ST6GALNAC3: variants seen among roughly 807,000 people sequenced by gnomAD.
ST6GALNAC3 encodes ST6 N-acetylgalactosaminide alpha-2,6-sialyltransferase 3.
A neutral mutation model predicts 32.7 loss-of-function variants in ST6GALNAC3; 25 were observed. The observed-to-expected ratio is 0.76, with a 90% confidence interval of 0.56 to 1.07. The LOEUF (loss-of-function observed/expected upper bound fraction) is 1.07. Among genes scored for constraint, ST6GALNAC3 ranks in the 50% least tolerant of loss-of-function variants. The probability of loss-of-function intolerance (pLI) is 0.00; values close to 1 mark genes in which losing one functional copy is unlikely to be tolerated. For synonymous variants in ST6GALNAC3, 129 were observed against 133.1 expected (o/e 0.97, Z 0.21); for missense variants, 355 against 382.4 (o/e 0.93, Z 0.60).
Position 76,412,405 on chromosome 1 carries a change from C to T in ST6GALNAC3, c.611C>T (p.Thr204Ile), listed in dbSNP as rs761187933. The T allele has an allele frequency of 1.2e-6, 2 of 1,601,828 alleles. No individual in the cohort carries two copies. The highest frequency in any genetic ancestry group is 1.7e-6 in the Non-Finnish European group (2 of 1,172,888). ...TGTGATGGAGTTTTTAAGAAGGAAA[C>T]TGGGAAGGACAGGTGAGCCCTCTCT... The part of the protein sequence containing the change: ...SYCDGVFKKE[T>I]GKDRVQSGSY... The change falls in exon 3 of 5, where the codon ACT (threonine) becomes ATT (isoleucine). Residue 204 changes from threonine to isoleucine, a missense_variant. Thr to Ile is a moderately conservative substitution (Grantham distance 89, BLOSUM62 -1). Transcript: ENST00000328299.
At chr1:76,155,290 C>G (rs1651326661) in intron 1 of ST6GALNAC3, among the ~76,000 whole-genome samples, 2 of 152,150 alleles carry the variant, frequency 1.3e-5, no homozygotes, top group African/African-American at 4.8e-5. Flanking sequence ...CTCCATGCGC[C>G]TACACTGGAG....
At chr1:76,309,705 G>A (rs532311408) in intron 1 of ST6GALNAC3, among the ~76,000 whole-genome samples, 9 of 152,034 alleles carry the variant, frequency 5.9e-5, no homozygotes, top group Non-Finnish European at 7.4e-5. Flanking sequence ...AATCAAACCC[G>A]GGCAATGTAA....
At chr1:76,210,727 A>T (rs1344802820) in intron 1 of ST6GALNAC3, among the ~76,000 whole-genome samples, 3 of 152,080 alleles carry the variant, frequency 2.0e-5, no homozygotes, top group Non-Finnish European at 4.4e-5. Context: ...TTCTCTGTGC[A>T]TATATTCCTA....
chr1:76,133,723 G>A (rs746277258), intron 1 of ST6GALNAC3, among the ~76,000 whole-genome samples: 23 of 152,202 alleles, frequency 1.5e-4, no homozygotes, highest in Non-Finnish European at 2.4e-4. Flanking sequence ...CTCAGGGGAG[G>A]ATTCCATTCA....
At chr1:76,132,265 A>T (rs1330152839) in intron 1 of ST6GALNAC3, among the ~76,000 whole-genome samples, 1 of 152,168 alleles carries the variant, frequency 6.6e-6, no homozygotes, top group Non-Finnish European at 1.5e-5. Context: ...ATCTGAGTCT[A>T]GCTCATAATT....
intron 1 of ST6GALNAC3, among the ~76,000 whole-genome samples, chr1:76,193,986 C>G (rs1654053929): frequency 6.6e-6 from 1 of 152,150 alleles, no homozygotes; most frequent in Non-Finnish European, 1.5e-5. Context: ...CTAATATAGC[C>G]ACACTGGAGG....
intron 2 of ST6GALNAC3, among the ~76,000 whole-genome samples, chr1:76,330,915 T>G (rs1647176546): frequency 6.6e-6 from 1 of 152,278 alleles, no homozygotes; most frequent in Admixed American, 6.5e-5. Context: ...ATTTCAAATC[T>G]TCAGAGTGCA....
intron 1 of ST6GALNAC3, among the ~76,000 whole-genome samples, chr1:76,172,124 A>T (rs1262853923): frequency 6.6e-6 from 1 of 152,230 alleles, no homozygotes; most frequent in Non-Finnish European, 1.5e-5. Flanking sequence ...GCACATAAAA[A>T]AAAAACTTAT....
chr1:76,475,155 A>G (rs1659269951), intron 3 of ST6GALNAC3, among the ~76,000 whole-genome samples: 1 of 152,164 alleles, frequency 6.6e-6, no homozygotes, highest in African/African-American at 2.4e-5. Context: ...CAAGTTGTGC[A>G]ATATTTGCAA....
chr1:76,158,549 A>G (rs1300780983), intron 1 of ST6GALNAC3, among the ~76,000 whole-genome samples: 1 of 152,164 alleles, frequency 6.6e-6, no homozygotes, highest in Non-Finnish European at 1.5e-5. Flanking sequence ...AAAAGAATTC[A>G]TCCTTCTCTT....
intron 2 of ST6GALNAC3, among the ~76,000 whole-genome samples, chr1:76,411,277 C>T (rs139072497): frequency 9.2e-5 from 14 of 152,184 alleles, no homozygotes; most frequent in East Asian, 5.8e-4. Flanking sequence ...TTAACTTCCA[C>T]GAGTCTCTAT....
At position 76,416,627 on chromosome 1, in the gene ST6GALNAC3, G is replaced by GTTTT. The variant is rs758529243; in HGVS notation, c.623+4225_623+4228dup. On this transcript the variant is annotated intron_variant, in intron 3 of 4. Coordinates refer to ENST00000328299, the MANE Select transcript of ST6GALNAC3 (RefSeq NM_152996.4). ...CACTTTTCCAAGTATTGTGGGTTTT[G>GTTTT]TTTTTTTTTTTTTTTTTTGAGACAG... Among the ~76,000 whole-genome samples, 97 of 113,458 alleles carry GTTTT rather than the reference G, an allele frequency of 8.5e-4. 2 individuals are homozygous for GTTTT. Among genetic ancestry groups the GTTTT allele is most frequent in the African/African-American group, 2.2e-3 (66 of 29,824 alleles). The allele number at this position is 113,458 out of a possible 152,430, so 74.4% of individuals were successfully genotyped here.
intron 1 of ST6GALNAC3, among the ~76,000 whole-genome samples, chr1:76,211,816 A>G (rs1655184095): frequency 6.6e-6 from 1 of 152,174 alleles, no homozygotes; most frequent in African/African-American, 2.4e-5. Flanking sequence ...GGATAGCATT[A>G]GGAGATATAC....
chr1:76,400,881 G>A (rs1012899693), intron 2 of ST6GALNAC3, among the ~76,000 whole-genome samples: 14 of 144,838 alleles, frequency 9.7e-5, no homozygotes, highest in African/African-American at 3.5e-4. Context: ...GGTAACAAGA[G>A]TGAAACTCTG....
At chr1:76,615,511 A>G (rs1394005827) in intron 3 of ST6GALNAC3, among the ~76,000 whole-genome samples, 1 of 152,346 alleles carries the variant, frequency 6.6e-6, no homozygotes, top group East Asian at 1.9e-4. Context: ...TCAGAAACAT[A>G]GGCCTAAAGT....
At chr1:76,408,923 A>G (rs1654024466) in intron 2 of ST6GALNAC3, among the ~76,000 whole-genome samples, 1 of 152,126 alleles carries the variant, frequency 6.6e-6, no homozygotes, top group East Asian at 1.9e-4. Context: ...CACAATTTAA[A>G]TCAGGCATTG....
intron 3 of ST6GALNAC3, among the ~76,000 whole-genome samples, chr1:76,539,319 A>G (rs1663836567): frequency 6.6e-6 from 1 of 152,246 alleles, no homozygotes; most frequent in South Asian, 2.1e-4. Flanking sequence ...CCATATGCAG[A>G]AAACTGAAAC....
intron 3 of ST6GALNAC3, among the ~76,000 whole-genome samples, chr1:76,594,158 A>G (rs1647092840): frequency 6.6e-6 from 1 of 152,202 alleles, no homozygotes; most frequent in Admixed American, 6.5e-5. Context: ...TGGCTCGTGG[A>G]AATAAATATG....
At chr1:76,580,196 T>G (rs1032929210) in intron 3 of ST6GALNAC3, among the ~76,000 whole-genome samples, 1 of 152,130 alleles carries the variant, frequency 6.6e-6, no homozygotes, top group Non-Finnish European at 1.5e-5. Context: ...TATTTCAATC[T>G]ATTGCATTTA....
Sources: gnomAD v4.1 joint callset for allele counts (sites outside exome capture counted in the v4.1 genomes callset) on GRCh38, gnomAD v4.1.1 for gene constraint, MANE v1.5 for transcripts, NCBI Gene and HGNC (gene_info 2026-07-23, HGNC 2026-07-21) for gene names.